The following ADGRB1 variants were observed in gnomAD, a reference collection of about 807,000 sequenced individuals.
ADGRB1 encodes adhesion G protein-coupled receptor B1, also known as brain-specific angiogenesis inhibitor 1.
A neutral mutation model predicts 175.7 loss-of-function variants in ADGRB1; 36 were observed. The ratio of observed to expected loss-of-function variants is 0.20; its 90% confidence interval spans 0.16 to 0.27. ADGRB1 has a LOEUF of 0.27. ADGRB1 is among the 10% of genes least tolerant of loss of function. The pLI is 1.00. For synonymous variants in ADGRB1, 1,054 were observed against 979.4 expected, an observed-to-expected ratio of 1.08 and a Z score of -1.42; for missense variants, 1,731 against 2,255.3, an observed-to-expected ratio of 0.77 and a Z score of 4.71.
At chr8:142,530,189 A>G (rs905836799) in intron 24 of ADGRB1, among the ~76,000 whole-genome samples, 6 of 151,814 alleles carry the variant, frequency 4.0e-5, no homozygotes, top group Middle Eastern at 3.2e-3. Flanking sequence ...GCGTGTGAGC[A>G]TTGTGTATGT....
chr8:142,490,745 C>T, intron 16 of ADGRB1, 27 bp from the exon 17 acceptor site: 1 of 1,564,492 alleles, frequency 6.4e-7, no homozygotes, highest in South Asian at 1.2e-5. Context: ...CTGCCAGGGG[C>T]CCTGACTCCT....
At position 142,542,416 on chromosome 8, in the gene ADGRB1, C is replaced by T. The variant is rs1252031045; in HGVS notation, c.4182C>T (p.Pro1394=). The change falls in exon 28 of 31, where the codon CCC becomes CCT. Residue 1394 remains proline (P), a synonymous_variant. Transcript: ENST00000517894. The surrounding 1 kb of genome is among the most constrained non-coding windows in gnomAD (Gnocchi z 6.3). ...CCAGCCTCCCCGCCCGCAGCCCGCC[C>T]TCCCGCCAGCCCCCCAGCGGCGGGC... ...PEASLPARSP[P]SRQPPSGGPP... is the part of the protein sequence containing the mutation. 1.9e-6 allele frequency: 3 copies of T among 1,538,922 alleles called. No homozygotes were observed. Among genetic ancestry groups the T allele is most frequent in the Non-Finnish European group, 8.7e-7 (1 of 1,142,890 alleles).
At chr8:142,522,557 G>A (rs532752818) in intron 21 of ADGRB1, 84 bp from the exon 22 acceptor site, 21 of 1,361,158 alleles carry the variant, frequency 1.5e-5, no homozygotes, top group African/African-American at 8.9e-5. Context: ...CCTGGCCCCC[G>A]CCCTTCACGG....
chr8:142,479,804 G>T lies in ADGRB1; in HGVS notation c.1828+10G>T. On this transcript the variant is annotated intron_variant, in intron 9 of 30. Transcript: ENST00000517894. ...CCCCGCAACGCCACAGGTGAGGGCTGGAGAGCACGTGGTGTATGGGGGCTC... is the reference window on the plus strand; with the variant it reads ...CCCCGCAACGCCACAGGTGAGGGCTTGAGAGCACGTGGTGTATGGGGGCTC... 1 of 1,608,766 alleles carries T rather than the reference G, an allele frequency of 6.2e-7. No individual in the cohort carries two copies.
At chr8:142,461,949 A>G (rs1839992383) in intron 1 of ADGRB1, among the ~76,000 whole-genome samples, 1 of 152,006 alleles carries the variant, frequency 6.6e-6, no homozygotes, top group Non-Finnish European at 1.5e-5. Context: ...GCGCAAGGTG[A>G]GGCTGGGGAG....
intron 18 of ADGRB1, among the ~76,000 whole-genome samples, chr8:142,513,178 C>G (rs1195273912): frequency 6.6e-6 from 1 of 152,206 alleles, no homozygotes; most frequent in African/African-American, 2.4e-5. Flanking sequence ...GCAGTGTCTG[C>G]AGAGCCACGG....
intron 27 of ADGRB1, among the ~76,000 whole-genome samples, chr8:142,541,174 T>C (rs1056823708): frequency 2.1e-5 from 3 of 145,156 alleles, no homozygotes; most frequent in Non-Finnish European, 4.5e-5. Flanking sequence ...AAAGGAGGGG[T>C]GTGGAGGGTG....
At position 142,518,374 on chromosome 8, in the gene ADGRB1, T is replaced by G. The variant is rs1437804578; in HGVS notation, c.2921+133T>G. The G allele has an allele frequency of 3.4e-6, 3 of 882,052 alleles. No individual in the cohort carries two copies. In the African/African-American group the frequency reaches 5.0e-5, roughly 15 times the overall value. The allele number at this position is 882,052 out of a possible 1,614,324, so 54.6% of individuals were successfully genotyped here. ...CCTCACGTTCCCAGTCACCTCCGCA[T>G]TTGCCACGGAACCAGCCATGCTGTG... On this transcript the variant is annotated intron_variant, in intron 19 of 30. Transcript: ENST00000517894.
intron 23 of ADGRB1, among the ~76,000 whole-genome samples, chr8:142,525,571 C>A (rs552841850): frequency 6.6e-6 from 1 of 152,302 alleles, no homozygotes; most frequent in African/African-American, 2.4e-5. Flanking sequence ...AAAGAGGCCA[C>A]CACCCATCAG....
At chr8:142,488,820 G>T (rs1841833083) in intron 14 of ADGRB1, among the ~76,000 whole-genome samples, 1 of 152,194 alleles carries the variant, frequency 6.6e-6, no homozygotes, top group African/African-American at 2.4e-5. Flanking sequence ...CCAGGGAATG[G>T]CCCGGTCTCC....
intron 2 of ADGRB1, among the ~76,000 whole-genome samples, chr8:142,465,727 G>A (rs1840240476): frequency 6.6e-6 from 1 of 152,322 alleles, no homozygotes. Flanking sequence ...GCCCCTCATG[G>A]CAGGGTTGCC....
At chr8:142,481,409 C>T (rs1841329891) in intron 10 of ADGRB1, 49 bp downstream of exon 10, 3 of 1,605,594 alleles carry the variant, frequency 1.9e-6, no homozygotes, top group South Asian at 1.1e-5. Flanking sequence ...ATCACCCTGG[C>T]CACACAGGTT....
intron 25 of ADGRB1, among the ~76,000 whole-genome samples, chr8:142,534,491 C>T (rs890292011): frequency 1.3e-5 from 2 of 152,180 alleles, no homozygotes; most frequent in African/African-American, 2.4e-5. Context: ...CACGTGTCAG[C>T]GCAGGCCTCC....
intron 1 of ADGRB1, among the ~76,000 whole-genome samples, chr8:142,451,946 G>A (rs952493992): frequency 4.6e-5 from 7 of 152,154 alleles, no homozygotes; most frequent in Non-Finnish European, 2.9e-5. Flanking sequence ...CCGGCTTTGA[G>A]TACCCAGCAA....
At position 142,521,951 on chromosome 8, in the gene ADGRB1, T is replaced by C. The variant is rs1312975367; in HGVS notation, c.3025-14T>C. On this transcript the variant is annotated splice_polypyrimidine_tract_variant and intron_variant, in intron 20 of 30. Coordinates refer to ENST00000517894, the MANE Select transcript of ADGRB1 (RefSeq NM_001702.3). ...AGCACCTGCCCAGCCTGCCCCGCCC[T>C]GGGCCCCACACAGGTGGTGTGCACG... 4 of 1,576,130 alleles carry C rather than the reference T, an allele frequency of 2.5e-6. No individual in the cohort carries two copies. The highest frequency in any genetic ancestry group is 2.6e-6 in the Non-Finnish European group (3 of 1,163,504).
In ADGRB1 at chr8:142,544,746, C is replaced by T. The variant is rs768743952; in HGVS notation, c.*329C>T. 1.5e-5 allele frequency: 3 copies of T among 202,912 alleles called. No homozygotes were observed. The highest frequency in any genetic ancestry group is 1.2e-4 in the Admixed American group (2 of 16,516). The allele number at this position is 202,912 out of a possible 1,614,324, so 12.6% of individuals were successfully genotyped here. On this transcript the variant is annotated 3_prime_UTR_variant, in exon 31 of 31. Transcript: ENST00000517894. ...AGCGCGGCCAGCGTCCCAGGGTACC[C>T]GCCTGAGCTCCTGCTGCGGAGGAGC...
In ADGRB1 at chr8:142,449,818, G is replaced by A. The variant is rs969443199; in HGVS notation, c.-506G>A. 6.8e-6 allele frequency: 1 copy of A among 146,450 alleles called. No homozygotes were observed. The highest frequency in any genetic ancestry group is 1.5e-5 in the Non-Finnish European group (1 of 65,800). 9.1% of individuals were successfully genotyped at this position (146,450 alleles called of 1,614,324 possible). A position where few individuals can be genotyped will look rare whatever the true frequency, so the allele number is the denominator to read the frequency against. On this transcript the variant is annotated 5_prime_UTR_variant, in exon 1 of 31. Transcript: ENST00000517894. ...CCGCGCCGCGTCCTGGCCCGGCCCG[G>A]GCCCGCGCGCCAGCATCGTCCGCAG...
chr8:142,500,411 GCTCCTCCACCACCCCCCCATGCC>G lies in ADGRB1; in HGVS notation c.2675+9607_2675+9629del, dbSNP rs569371451. ...CCGCTCCTCCCCCGCCCCCTACACC[GCTCCTCCACCACCCCCCCATGCC>G]CTCCTCCACCTTGGGAGCTCCTCTC... is the stretch of plus-strand genomic sequence containing the variant. On this transcript the variant is annotated intron_variant, in intron 17 of 30. Transcript: ENST00000517894. 4.4e-4 allele frequency among the ~76,000 whole-genome samples: 52 copies of G among 117,270 alleles called. 1 individual carries two copies. The highest frequency in any genetic ancestry group is 1.6e-3 in the African/African-American group (42 of 26,332). 76.9% of individuals were successfully genotyped at this position (117,270 alleles called of 152,430 possible).
chr8:142,477,931 GC>G (rs1457675563), intron 6 of ADGRB1, among the ~76,000 whole-genome samples: 6 of 149,862 alleles, frequency 4.0e-5, no homozygotes, highest in African/African-American at 7.4e-5. Context: ...TGGGGTGGTG[GC>G]CCCCAGGGTG....
Sources: gnomAD v4.1 joint callset for allele counts (sites outside exome capture counted in the v4.1 genomes callset) on GRCh38, gnomAD v4.1.1 for gene constraint, Gnocchi (gnomAD v3.1) non-coding constraint, MANE v1.5 for transcripts, NCBI Gene and HGNC (gene_info 2026-07-23, HGNC 2026-07-21) for gene names.